Variants in ABR observed in about 807,000 individuals in gnomAD.
The protein encoded by ABR is active breakpoint cluster region-related protein.
Under a neutral mutation model 107.2 loss-of-function variants are expected in ABR, and 35 were observed. The ratio of observed to expected loss-of-function variants is 0.33; its 90% CI spans 0.25 to 0.43. The LOEUF (loss-of-function observed/expected upper bound fraction) is 0.43, where lower values mean the gene tolerates loss of function less well. Among genes scored for constraint, ABR ranks in the 20% least tolerant of loss-of-function variants. ABR has a pLI of 1.00. For missense variants in ABR, 815 were observed against 1,115.2 expected (o/e 0.73, Z 3.83); for synonymous variants, 498 against 462.0 (o/e 1.08, Z -1.00).
intron 4 of ABR, among the ~76,000 whole-genome samples, chr17:1,085,931 A>G (rs984574142): frequency 1.3e-5 from 2 of 152,098 alleles, no homozygotes; most frequent in African/African-American, 2.4e-5. Context: ...CAGATCACCT[A>G]AGGTTGGCAG....
chr17:1,047,929 C>T (rs1259392375), intron 16 of ABR, among the ~76,000 whole-genome samples: 1 of 152,212 alleles, frequency 6.6e-6, no homozygotes, highest in Non-Finnish European at 1.5e-5. Context: ...CCACCGTGCC[C>T]ACGGGGCTGG....
Position 1,010,152 on chromosome 17 carries a change from A to G in ABR, c.2237-368T>C. On this transcript the variant is annotated intron_variant, in intron 20 of 22. Coordinates refer to ENST00000302538, the MANE Select transcript of ABR (RefSeq NM_021962.5). The surrounding 1 kb of genome is among the most constrained non-coding windows in gnomAD (Gnocchi z 4.1). Reference sequence around the variant, plus strand: ...TGCCAGCGGTGGATTCTCTTTCTCCACCCCTTCTGCTGCTGGAGCGTGGGT... The same window carrying G: ...TGCCAGCGGTGGATTCTCTTTCTCCGCCCCTTCTGCTGCTGGAGCGTGGGT... 1 of 272,784 alleles carries G rather than the reference A, an allele frequency of 3.7e-6. No individual in the cohort carries two copies. Among genetic ancestry groups the G allele is most frequent in the South Asian group, 6.6e-5 (1 of 15,246 alleles). 16.9% of individuals were successfully genotyped at this position (272,784 alleles called of 1,614,324 possible).
At chr17:1,108,707 C>T (rs542300397) in intron 2 of ABR, among the ~76,000 whole-genome samples, 23 of 152,296 alleles carry the variant, frequency 1.5e-4, no homozygotes, top group Non-Finnish European at 1.5e-4. Context: ...GCCGCCGGAG[C>T]CCTGAGCTGG....
In ABR at chr17:1,216,581, G is replaced by C. The variant is rs545789972; in HGVS notation, c.838+12212C>G. Among the ~76,000 whole-genome samples, 3 of 152,310 alleles carry C rather than the reference G, an allele frequency of 2.0e-5. No homozygotes were observed. The South Asian group carries it at 6.2e-4, about 32-fold the overall frequency. On this transcript the variant is annotated intron_variant, in intron 1 of 22. Transcript: ENST00000574139. ...TCAAGAAAATCCAGAAATCCAGATT[G>C]CTAGGTAAAACCTGGTTTTAAATGG...
chr17:1,177,626 G>A (rs528606184), intron 1 of ABR, among the ~76,000 whole-genome samples: 2 of 152,292 alleles, frequency 1.3e-5, no homozygotes, highest in South Asian at 4.1e-4. Flanking sequence ...CAGCTCAGAG[G>A]AGTCTTCTGC....
rs1274416008 is a variant in ABR at position 1,179,936 on chromosome 17, C to T, written c.-209G>A. ...AAAACCCTCCCGAACCCTCCCGGCC[C>T]CAGCGGCCGCGCCGAGCCCAGCTGC... On this transcript the variant is annotated 5_prime_UTR_variant, in exon 1 of 23. Coordinates refer to ENST00000302538, the MANE Select transcript of ABR (RefSeq NM_021962.5). The surrounding 1 kb of genome is among the most constrained non-coding windows in gnomAD (Gnocchi z 4.9). 3 of 416,530 alleles carry T rather than the reference C, an allele frequency of 7.2e-6. No homozygotes were observed. The highest frequency in any genetic ancestry group is 6.3e-5 in the African/African-American group (3 of 47,480). 25.8% of individuals were successfully genotyped at this position (416,530 alleles called of 1,614,324 possible).
At chr17:1,120,323 G>A (rs547959505) in intron 2 of ABR, among the ~76,000 whole-genome samples, 1 of 152,072 alleles carries the variant, frequency 6.6e-6, no homozygotes, top group South Asian at 2.1e-4. Context: ...GGCTGCTGGA[G>A]TGCAATGGCG....
At position 1,154,900 on chromosome 17, in the gene ABR, C is replaced by T. The variant is rs1176426746; in HGVS notation, c.61+24767G>A. On this transcript the variant is annotated intron_variant, in intron 1 of 22. Transcript: ENST00000302538. The surrounding 1 kb of genome is among the most constrained non-coding windows in gnomAD (Gnocchi z 4.0). The stretch of plus-strand genomic sequence containing the variant: ...CCCTCCTACCTGGCCCTCACCAAGG[C>T]ATCCACCCAATCCTGGCGGGGCCTC... 3.3e-5 allele frequency: 5 copies of T among 152,354 alleles called. No homozygotes were observed. The highest frequency in any genetic ancestry group is 3.3e-4 in the Admixed American group (5 of 15,282). 9.4% of individuals were successfully genotyped at this position (152,354 alleles called of 1,614,324 possible).
At chr17:1,139,527 C>T (rs958765934) in intron 1 of ABR, among the ~76,000 whole-genome samples, 1 of 151,874 alleles carries the variant, frequency 6.6e-6, no homozygotes, top group African/African-American at 2.4e-5. Context: ...GCTGGGATTA[C>T]AGGCGTGAGC....
At chr17:1,196,044 G>A (rs561207509) in intron 1 of ABR, among the ~76,000 whole-genome samples, 3 of 147,766 alleles carry the variant, frequency 2.0e-5, no homozygotes, top group African/African-American at 2.6e-5. Flanking sequence ...CACGAGGATC[G>A]CTTGAACCAA....
intron 2 of ABR, among the ~76,000 whole-genome samples, chr17:1,102,294 A>C (rs1032852005): frequency 6.6e-6 from 1 of 152,098 alleles, no homozygotes; most frequent in Non-Finnish European, 1.5e-5. Context: ...ACAGAAGGGG[A>C]GTGAGAGGGC....
At position 1,051,618 on chromosome 17, in the gene ABR, G is replaced by T. The variant is rs996227392; in HGVS notation, c.1562-984C>A. Among the ~76,000 whole-genome samples, 2 of 152,212 alleles carry T rather than the reference G, an allele frequency of 1.3e-5. No individual in the cohort carries two copies. Among genetic ancestry groups the T allele is most frequent in the African/African-American group, 4.8e-5 (2 of 41,468 alleles). On this transcript the variant is annotated intron_variant, in intron 14 of 22. Transcript: ENST00000302538. This position sits in a 1 kb window ranked among gnomAD's most constrained non-coding sequence, Gnocchi z 4.3. ...CCACCTCCAGGGAGATGCCGAGGTT[G>T]TTCCCAGGGTACCAGAGGTGGTGTG...
At position 1,070,132 on chromosome 17, in the gene ABR, T is replaced by C. The variant is rs961938150; in HGVS notation, c.895-42A>G. On this transcript the variant is annotated intron_variant, in intron 8 of 22. Coordinates refer to ENST00000302538, the MANE Select transcript of ABR (RefSeq NM_021962.5). The surrounding 1 kb of genome is among the most constrained non-coding windows in gnomAD (Gnocchi z 4.2). ...ACCCCCCAGCCTGCTCAGAGGGGAA[T>C]GCGGCCGAGGGCAGAGCCTGCACAC... The C allele has an allele frequency of 3.7e-6, 6 of 1,610,170 alleles. No individual in the cohort carries two copies. The highest frequency in any genetic ancestry group is 1.3e-5 in the African/African-American group (1 of 74,874).
At position 1,024,024 on chromosome 17, in the gene ABR, C is replaced by CAAAAAAAAA. The variant is rs11334940; in HGVS notation, c.1792-10869_1792-10861dup. 9.4e-4 allele frequency among the ~76,000 whole-genome samples: 45 copies of CAAAAAAAAA among 47,674 alleles called. 3 individuals are homozygous for CAAAAAAAAA. The highest frequency in any genetic ancestry group is 2.1e-3 in the East Asian group (3 of 1,430). 31.3% of individuals were successfully genotyped at this position (47,674 alleles called of 152,430 possible). A position where few individuals can be genotyped will look rare whatever the true frequency, so the allele number is the denominator to read the frequency against. ...TGGGCGACAGAGCGAGACTCCATCT[C>CAAAAAAAAA]AAAAAAAAAAAAAAAAAAAAAAAAA... On this transcript the variant is annotated intron_variant, in intron 16 of 22. Coordinates refer to ENST00000302538, the MANE Select transcript of ABR (RefSeq NM_021962.5).
chr17:1,009,877 A>G, intron 20 of ABR, 93 bp from the exon 21 acceptor site: 1 of 1,151,092 alleles, frequency 8.7e-7, no homozygotes, highest in Non-Finnish European at 1.3e-6. Context: ...TGCGGGAGAG[A>G]GCCCAGGCTT....
chr17:1,007,808 G>A (rs531833000), intron 21 of ABR, among the ~76,000 whole-genome samples: 3 of 152,330 alleles, frequency 2.0e-5, no homozygotes, highest in East Asian at 1.9e-4. Flanking sequence ...AGGACCTACC[G>A]CTCTGTTGCT....
intron 1 of ABR, among the ~76,000 whole-genome samples, chr17:1,126,174 C>T (rs1008742987): frequency 2.6e-5 from 4 of 152,282 alleles, no homozygotes; most frequent in South Asian, 2.1e-4. Flanking sequence ...GTGCAGCGAG[C>T]GGGGTGTGCA....
intron 16 of ABR, among the ~76,000 whole-genome samples, chr17:1,015,114 G>C (rs1010703024): frequency 6.6e-6 from 1 of 151,620 alleles, no homozygotes; most frequent in South Asian, 2.1e-4. Context: ...ACCATGATTG[G>C]CAGTACATAA....
rs923697674 is a variant in ABR at position 1,078,932 on chromosome 17, C to T, written c.700+398G>A. On this transcript the variant is annotated intron_variant, in intron 6 of 22. Transcript: ENST00000302538. The surrounding 1 kb of genome is among the most constrained non-coding windows in gnomAD (Gnocchi z 7.5). ...TCCCCGGCGCCCACCAGCAGCCCGG[C>T]CACTCAGCCACCTTGCTGATGCTGC... 6.5e-7 allele frequency: 1 copy of T among 1,529,808 alleles called. No individual in the cohort carries two copies. Among genetic ancestry groups the T allele is most frequent in the South Asian group, 1.2e-5 (1 of 83,438 alleles). 94.8% of individuals were successfully genotyped at this position (1,529,808 alleles called of 1,614,324 possible).
Sources: gnomAD v4.1 joint callset for allele counts (sites outside exome capture counted in the v4.1 genomes callset) on GRCh38, gnomAD v4.1.1 for gene constraint, Gnocchi (gnomAD v3.1) non-coding constraint, MANE v1.5 for transcripts, NCBI Gene and HGNC (gene_info 2026-07-23, HGNC 2026-07-21) for gene names.